Variants in KCNT2 observed in about 807,000 individuals in gnomAD.
KCNT2 encodes the protein potassium channel subfamily T member 2.
KCNT2 carries 67 observed loss-of-function variants against 153.8 expected under a neutral mutation model. That is an observed-to-expected ratio of 0.44 (90% confidence interval 0.36 to 0.53). The LOEUF is 0.53. Ranked by LOEUF, KCNT2 falls within the 20% of genes least tolerant of loss-of-function variation. The pLI is 0.00. For missense variants in KCNT2, 975 were observed against 1,354.8 expected (o/e 0.72, Z 4.40); for synonymous variants, 500 against 458.8 (o/e 1.09, Z -1.15).
intron 22 of KCNT2, among the ~76,000 whole-genome samples, chr1:196,303,403 A>G (rs1661365095): frequency 6.6e-6 from 1 of 152,086 alleles, no homozygotes; most frequent in African/African-American, 2.4e-5. Context: ...TATACCTCAT[A>G]TTTTTCTTCT....
rs140101289 is a variant in KCNT2, at chr1:196,320,243, T to A, written c.2277-688A>T. Among the ~76,000 whole-genome samples the A allele has an allele frequency of 5.4e-3, 827 of 151,930 alleles. 5 individuals carry two copies. Among genetic ancestry groups the A allele is most frequent in the African/African-American group, 0.019 (791 of 41,518 alleles). ...GAAAGCTTCCTTAGAAACTGCTTAA[T>A]CTATTGTATTCATTTCACAAAGTTA... On this transcript the variant is annotated intron_variant, in intron 19 of 27. Coordinates refer to ENST00000294725, the MANE Select transcript of KCNT2 (RefSeq NM_198503.5).
intron 10 of KCNT2, among the ~76,000 whole-genome samples, chr1:196,426,983 C>T (rs1212345299): frequency 6.6e-6 from 1 of 151,932 alleles, no homozygotes; most frequent in African/African-American, 2.4e-5. Flanking sequence ...CCTGTGGAAT[C>T]GTAAGCCAAT....
Position 196,608,218 on chromosome 1 carries a change from T to C in KCNT2, c.92A>G (p.Asp31Gly). The change falls in exon 1 of 28, where the codon GAC (aspartate) becomes GGC (glycine). Residue 31 changes from aspartate to glycine, a missense_variant. By Grantham distance (94) the Asp-to-Gly change is moderately conservative. Around this residue, in one of 6 missense-constraint regions of KCNT2, gnomAD observed 140 missense variants for 216.0 expected, o/e 0.65. Transcript: ENST00000294725. ...LLGDQGWQNDDRVQVEFYMNE... is the reference protein window; with the variant it reads ...LLGDQGWQNDGRVQVEFYMNE... ...AATCCTCCACCACACCACTCACCTGTCGTCGTTTTGCCATCCTTGGTCCCC... is the reference window on the plus strand; with the variant it reads ...AATCCTCCACCACACCACTCACCTGCCGTCGTTTTGCCATCCTTGGTCCCC... 1.2e-6 allele frequency: 2 copies of C among 1,613,848 alleles called. No homozygotes were observed. The highest frequency in any genetic ancestry group is 1.7e-6 in the Non-Finnish European group (2 of 1,179,794).
Position 196,426,008 on chromosome 1 carries a change from C to A in KCNT2, c.985-20G>T. On this transcript the variant is annotated intron_variant, in intron 10 of 27. Transcript: ENST00000294725. ...ATAATCCTATTCAAAACAAAATGGG[C>A]AATGGAATAGAAACAAAAATGTTTT... The A allele has an allele frequency of 6.2e-7, 1 of 1,602,490 alleles. No individual in the cohort carries two copies. Among genetic ancestry groups the A allele is most frequent in the Non-Finnish European group, 8.5e-7 (1 of 1,172,104 alleles).
At position 196,455,875 on chromosome 1, in the gene KCNT2, C is replaced by CT. The variant is rs1572515880; in HGVS notation, c.638+9417_638+9418insA. On this transcript the variant is annotated intron_variant, in intron 8 of 27. Coordinates refer to ENST00000294725, the MANE Select transcript of KCNT2 (RefSeq NM_198503.5). ...CCTTTCTGACCCTGTTCTCAAATTT[C>CT]CCACTTTCAGTAGATGGAGAGGCCT... Among the ~76,000 whole-genome samples, 6 of 152,148 alleles carry CT rather than the reference C, an allele frequency of 3.9e-5. No individual in the cohort carries two copies. In the East Asian group the frequency reaches 1.2e-3, roughly 30 times the overall value.
Position 196,228,312 on chromosome 1 carries a change from A to C in KCNT2, c.3320T>G (p.Leu1107Arg), listed in dbSNP as rs765518576. 11 of 1,607,348 alleles carry C rather than the reference A, an allele frequency of 6.8e-6. No homozygotes were observed. Among genetic ancestry groups the C allele is most frequent in the Admixed American group, 3.4e-5 (2 of 59,686 alleles). The stretch of plus-strand genomic sequence containing the variant: ...GGGCTCACTGTTTGGAAGGTAGGCC[A>C]GTGGATCTGGTCGAATTAAGTATCT... ...DVVYLIRPDP[L>R]AYLPNSEPSR... The change falls in exon 28 of 28, where the codon CTG (leucine) becomes CGG (arginine). Residue 1107 changes from leucine to arginine, a missense_variant. Physicochemically the swap from Leu to Arg is moderately radical, Grantham distance 102. Around this residue, in one of 6 missense-constraint regions of KCNT2, gnomAD observed 241 missense variants for 271.1 expected, o/e 0.89. Coordinates refer to ENST00000294725, the MANE Select transcript of KCNT2 (RefSeq NM_198503.5).
intron 1 of KCNT2, among the ~76,000 whole-genome samples, chr1:196,540,656 G>A (rs2148871485): frequency 6.6e-6 from 1 of 152,280 alleles, no homozygotes; most frequent in Middle Eastern, 3.4e-3. Flanking sequence ...GTTCTACACA[G>A]AATCATAAAA....
At chr1:196,579,055 G>A (rs1661707361) in intron 1 of KCNT2, among the ~76,000 whole-genome samples, 1 of 151,960 alleles carries the variant, frequency 6.6e-6, no homozygotes, top group African/African-American at 2.4e-5. Flanking sequence ...AGCCTACCTT[G>A]ACACATCACA....
chr1:196,541,564 A>G (rs1482688812), intron 1 of KCNT2, among the ~76,000 whole-genome samples: 1 of 152,190 alleles, frequency 6.6e-6, no homozygotes, highest in African/African-American at 2.4e-5. Context: ...TTAAGTTACA[A>G]CAGCATAAAT....
At chr1:196,319,342 G>A (rs1572023547) in intron 20 of KCNT2, 142 bp downstream of exon 20, 3 of 462,488 alleles carry the variant, frequency 6.5e-6, no homozygotes, top group African/African-American at 2.0e-5. Flanking sequence ...TATAACACGA[G>A]AACATAAGCT....
At chr1:196,361,920 T>TGTGC (rs1161792276) in intron 14 of KCNT2, among the ~76,000 whole-genome samples, 1 of 151,606 alleles carries the variant, frequency 6.6e-6, no homozygotes, top group Non-Finnish European at 1.5e-5. Flanking sequence ...TGTGAGTGTG[T>TGTGC]GTGTGTGTGT....
At chr1:196,566,948 CT>C (rs1416143862) in intron 1 of KCNT2, among the ~76,000 whole-genome samples, 1 of 151,844 alleles carries the variant, frequency 6.6e-6, no homozygotes, top group Non-Finnish European at 1.5e-5. Context: ...CATATAATAC[CT>C]TGCAAAATCA....
chr1:196,354,715 A>G (rs1414345880), intron 14 of KCNT2, among the ~76,000 whole-genome samples: 1 of 151,734 alleles, frequency 6.6e-6, no homozygotes, highest in Non-Finnish European at 1.5e-5. Context: ...GGAGATTTTA[A>G]AGGTCTAAAA....
intron 5 of KCNT2, among the ~76,000 whole-genome samples, chr1:196,471,683 G>A (rs1257542572): frequency 6.6e-6 from 1 of 152,082 alleles, no homozygotes; most frequent in Non-Finnish European, 1.5e-5. Context: ...GTGGCAGATT[G>A]TATAATTTAG....
intron 13 of KCNT2, among the ~76,000 whole-genome samples, chr1:196,373,806 G>T (rs1180281287): frequency 6.6e-6 from 1 of 151,814 alleles, no homozygotes; most frequent in South Asian, 2.1e-4. Flanking sequence ...AATAGAATTT[G>T]CTAAAATAAA....
intron 14 of KCNT2, among the ~76,000 whole-genome samples, chr1:196,358,470 T>C (rs1026987024): frequency 3.3e-5 from 5 of 151,934 alleles, no homozygotes; most frequent in African/African-American, 1.2e-4. Flanking sequence ...TATTTAAGCC[T>C]GTGGAAAAAC....
chr1:196,378,798 A>C (rs1436179426), intron 13 of KCNT2, among the ~76,000 whole-genome samples: 1 of 147,832 alleles, frequency 6.8e-6, no homozygotes, highest in Non-Finnish European at 1.5e-5. Flanking sequence ...TATGTAAACA[A>C]CATTGTATAT....
At chr1:196,481,046 C>T (rs1377098094) in intron 4 of KCNT2, among the ~76,000 whole-genome samples, 1 of 151,862 alleles carries the variant, frequency 6.6e-6, no homozygotes, top group African/African-American at 2.4e-5. Flanking sequence ...TTTTAATGAA[C>T]ATTTCAATAT....
intron 8 of KCNT2, among the ~76,000 whole-genome samples, chr1:196,451,217 CTTTTT>C (rs561944079): frequency 0.019 from 1,221 of 63,578 alleles, 35 homozygotes; most frequent in African/African-American, 0.054. Flanking sequence ...ATCCCTCTTT[CTTTTT>C]TTTTTTTTTT....
Sources: allele counts gnomAD v4.1 joint callset (sites outside exome capture counted in the v4.1 genomes callset), GRCh38; gene constraint gnomAD v4.1.1; regional missense constraint gnomAD v4.1.1; transcripts MANE v1.5; gene names NCBI Gene and HGNC (gene_info 2026-07-23, HGNC 2026-07-21).